Variants in ZNF91 observed in about 807,000 individuals in gnomAD.
ZNF91 encodes the protein zinc finger protein 91.
A neutral mutation model predicts 12.6 loss-of-function variants in ZNF91; 7 were observed. The observed-to-expected ratio is 0.55, with a 90% CI of 0.31 to 1.04. ZNF91 has a LOEUF of 1.04. Ranked by LOEUF, ZNF91 falls within the 50% of genes least tolerant of loss-of-function variation. The pLI is 0.05. For synonymous variants in ZNF91, 453 were observed against 462.6 expected, an observed-to-expected ratio of 0.98 and a Z score of 0.27; for missense variants, 1,217 against 1,385.4, an observed-to-expected ratio of 0.88 and a Z score of 1.93.
chr19:23,360,031 T>TCA lies in ZNF91; in HGVS notation c.2946_2947dup (p.Glu983ValfsTer5), dbSNP rs768620861. ...CTCTCCAGTATGAATTATCTTATGT[T>TCA]CAGTAAGAGTTGAAGATTTCCTAAA... is the stretch of plus-strand genomic sequence containing the variant. On this transcript the variant is annotated frameshift_variant, in exon 4 of 4. Coordinates refer to ENST00000300619, the MANE Select transcript of ZNF91 (RefSeq NM_003430.4). LOFTEE classifies it low-confidence loss of function (END_TRUNC). 3 of 1,610,678 alleles carry TCA rather than the reference T, an allele frequency of 1.9e-6. No homozygotes were observed. The African/African-American group carries it at 4.1e-5, about 22-fold the overall frequency.
intron 1 of ZNF91, among the ~76,000 whole-genome samples, chr19:23,321,741 T>G (rs1967700763): frequency 1.3e-5 from 2 of 152,116 alleles, no homozygotes. Flanking sequence ...AAATATTTGA[T>G]GTATCTTTCT....
intron 1 of ZNF91, among the ~76,000 whole-genome samples, chr19:23,377,956 GTCAC>G (rs1969564499): frequency 6.8e-6 from 1 of 146,388 alleles, no homozygotes; most frequent in East Asian, 2.0e-4. Context: ...TTCTGTTTTT[GTCAC>G]TCATTTTTTT....
intron 1 of ZNF91, among the ~76,000 whole-genome samples, chr19:23,317,343 C>T (rs2434384): frequency 2.5e-4 from 38 of 152,228 alleles, no homozygotes; most frequent in Admixed American, 1.6e-3. Context: ...CCACCGCGCC[C>T]GGCCAGGTGA....
chr19:23,319,213 C>G (rs1967633127), intron 1 of ZNF91, among the ~76,000 whole-genome samples: 1 of 152,206 alleles, frequency 6.6e-6, no homozygotes, highest in Non-Finnish European at 1.5e-5. Context: ...TATCGCTGAG[C>G]CCAGCACATA....
At position 23,373,767 on chromosome 19, in the gene ZNF91, T is replaced by C; in HGVS notation, c.228A>G (p.Gln76=). 6.2e-7 allele frequency: 1 copy of C among 1,611,346 alleles called. No homozygotes were observed. The change falls in exon 3 of 4, where the codon CAA becomes CAG. Residue 76 remains glutamine, a synonymous_variant. Coordinates refer to ENST00000300619, the MANE Select transcript of ZNF91 (RefSeq NM_003430.4). ...CTGTGGGTTCATCCACCATCTCATG[T>C]TGCTTCATATTCCAGGGCTCTTTTC... The part of the protein sequence containing the change: ...EQGKEPWNMK[Q]HEMVDEPTGI...
intron 3 of ZNF91, among the ~76,000 whole-genome samples, chr19:23,352,292 T>C (rs1456040101): frequency 1.3e-5 from 2 of 152,054 alleles, no homozygotes; most frequent in South Asian, 2.1e-4. Flanking sequence ...TGACATCCTG[T>C]ATGACTCAGC....
chr19:23,380,717 T>A (rs1007184434), intron 1 of ZNF91: 1 of 152,210 alleles, frequency 6.6e-6, no homozygotes, highest in Non-Finnish European at 1.5e-5. Context: ...AGTGCATAGC[T>A]ACTCACAGCA....
At chr19:23,311,904 A>G (rs1298840087), upstream of ZNF91, among the ~76,000 whole-genome samples, 1 of 150,780 alleles carries the variant, frequency 6.6e-6, no homozygotes, top group Non-Finnish European at 1.5e-5. Context: ...GCCATGCCAA[A>G]AAAAAAAAAA....
intron 3 of ZNF91, among the ~76,000 whole-genome samples, chr19:23,306,015 G>A (rs1424609112): frequency 6.6e-6 from 1 of 152,138 alleles, no homozygotes; most frequent in Non-Finnish European, 1.5e-5. Flanking sequence ...AAATGTCTTT[G>A]GAGGAACAAT....
At chr19:23,349,835 A>C (rs1302750691) in intron 3 of ZNF91, among the ~76,000 whole-genome samples, 1 of 152,182 alleles carries the variant, frequency 6.6e-6, no homozygotes, top group East Asian at 1.9e-4. Flanking sequence ...AATTTAAAAC[A>C]AACAAACAAA....
chr19:23,368,562 C>CTCTCTCTA (rs768532900), intron 3 of ZNF91, among the ~76,000 whole-genome samples: 7 of 118,628 alleles, frequency 5.9e-5, no homozygotes, highest in Non-Finnish European at 8.4e-5. Context: ...CTCTCTCTCT[C>CTCTCTCTA]TATATATATA....
intron 3 of ZNF91, among the ~76,000 whole-genome samples, chr19:23,371,080 C>G (rs1969257751): frequency 1.3e-5 from 2 of 152,200 alleles, no homozygotes; most frequent in South Asian, 4.1e-4. Context: ...GTGGCTGACA[C>G]CTGTAATCCC....
intron 1 of ZNF91, chr19:23,385,287 T>C: frequency 2.0e-6 from 1 of 491,460 alleles, no homozygotes; most frequent in Non-Finnish European, 3.7e-6. Flanking sequence ...CGGAAAAAAA[T>C]AAGTAACAGG....
chr19:23,324,272 TCTTA>T (rs1391259382), intron 1 of ZNF91: 6 of 151,712 alleles, frequency 4.0e-5, no homozygotes, highest in Admixed American at 3.3e-4. Context: ...CTTCCTCTCT[TCTTA>T]CTATCTTCTT....
At chr19:23,322,787 TCACCTCCTCCTCCATTTCTCCCC>T (rs1380119717) in intron 1 of ZNF91, among the ~76,000 whole-genome samples, 2,629 of 102,626 alleles carry the variant, frequency 0.026, 646 homozygotes, top group African/African-American at 0.055. Context: ...CTCTTCTTCC[TCACCTCCTCCTCCATTTCTCCCC>T]CACCTCCTCC....
At chr19:23,390,733 T>C (rs1172131012) in intron 1 of ZNF91, among the ~76,000 whole-genome samples, 4 of 150,350 alleles carry the variant, frequency 2.7e-5, no homozygotes, top group African/African-American at 7.4e-5. Flanking sequence ...ATTTTTCTTA[T>C]TGTATTTTTT....
At chr19:23,339,807 G>A (rs1226390123) in intron 3 of ZNF91, 1 of 151,968 alleles carries the variant, frequency 6.6e-6, no homozygotes, top group African/African-American at 2.4e-5. Flanking sequence ...AGCTAGGTGT[G>A]GTGGTGTGCA....
chr19:23,380,373 G>A (rs1374222660), intron 1 of ZNF91: 10 of 149,302 alleles, frequency 6.7e-5, no homozygotes, highest in African/African-American at 2.2e-4. Context: ...ACAATAATGG[G>A]AATGCGAGCA....
intron 1 of ZNF91, among the ~76,000 whole-genome samples, chr19:23,330,610 C>T (rs1334426339): frequency 6.6e-6 from 1 of 152,120 alleles, no homozygotes; most frequent in Non-Finnish European, 1.5e-5. Context: ...GATAATTCTG[C>T]ATCACCACAC....
Sources: allele counts gnomAD v4.1 joint callset (sites outside exome capture counted in the v4.1 genomes callset), GRCh38; gene constraint gnomAD v4.1.1; transcripts MANE v1.5; gene names NCBI Gene and HGNC (gene_info 2026-07-23, HGNC 2026-07-21).